Variants in NLGN1 observed in about 807,000 individuals in gnomAD.
NLGN1 encodes neuroligin 1.
In NLGN1, 12 loss-of-function variants were observed where a neutral mutation model predicts 65.5. The ratio of observed to expected loss-of-function variants is 0.18; its 90% CI spans 0.12 to 0.30. NLGN1 has a LOEUF of 0.30. Among genes scored for constraint, NLGN1 ranks in the 10% least tolerant of loss-of-function variants. The pLI is 1.00. For missense variants in NLGN1, 750 were observed against 1,007.1 expected, an observed-to-expected ratio of 0.74 and a Z score of 3.46; for synonymous variants, 350 against 359.5, an observed-to-expected ratio of 0.97 and a Z score of 0.30.
chr3:173,858,793 A>G (rs1578830474), intron 4 of NLGN1, among the ~76,000 whole-genome samples: 1 of 152,098 alleles, frequency 6.6e-6, no homozygotes, highest in Admixed American at 6.6e-5. Flanking sequence ...GATAGTTTAT[A>G]TAAGTAGCAC....
At chr3:173,700,622 T>C (rs1766987728) in intron 3 of NLGN1, among the ~76,000 whole-genome samples, 1 of 152,232 alleles carries the variant, frequency 6.6e-6, no homozygotes, top group Non-Finnish European at 1.5e-5. Context: ...ATGCATCATC[T>C]TTAGGCAGAA....
At chr3:174,077,255 G>A (rs553268617) in intron 4 of NLGN1, among the ~76,000 whole-genome samples, 3 of 151,736 alleles carry the variant, frequency 2.0e-5, no homozygotes, top group South Asian at 2.1e-4. Flanking sequence ...AGGAAATGAA[G>A]CATTATAGTA....
intron 4 of NLGN1, among the ~76,000 whole-genome samples, chr3:173,848,531 A>G (rs969122086): frequency 3.9e-5 from 6 of 152,140 alleles, no homozygotes; most frequent in Non-Finnish European, 8.8e-5. Flanking sequence ...TTTCTACTGC[A>G]TATGTCATCT....
chr3:173,602,436 C>G (rs1443553092), intron 2 of NLGN1, among the ~76,000 whole-genome samples: 1 of 151,890 alleles, frequency 6.6e-6, no homozygotes, highest in African/African-American at 2.4e-5. Flanking sequence ...TTTGTAACCT[C>G]AGGAGCTAAA....
intron 4 of NLGN1, among the ~76,000 whole-genome samples, chr3:174,015,032 A>G (rs1389742191): frequency 5.9e-5 from 9 of 152,136 alleles, no homozygotes; most frequent in Non-Finnish European, 8.8e-5. Context: ...AATCTAGGTG[A>G]TTTTCATGTG....
At chr3:174,077,200 C>T (rs1741198073) in intron 4 of NLGN1, among the ~76,000 whole-genome samples, 2 of 151,416 alleles carry the variant, frequency 1.3e-5, no homozygotes, top group East Asian at 1.9e-4. Context: ...AAAAAAAAAA[C>T]CTATTCCCAC....
chr3:174,122,584 A>C (rs1718004039), intron 4 of NLGN1, among the ~76,000 whole-genome samples: 1 of 152,138 alleles, frequency 6.6e-6, no homozygotes, highest in Non-Finnish European at 1.5e-5. Context: ...TAACCTCTTC[A>C]GGGAGAAGGA....
intron 4 of NLGN1, among the ~76,000 whole-genome samples, chr3:174,081,551 C>T (rs969328189): frequency 2.6e-5 from 4 of 151,658 alleles, no homozygotes; most frequent in Non-Finnish European, 4.4e-5. Context: ...CTAATGCCCC[C>T]CTTACATGTC....
intron 2 of NLGN1, among the ~76,000 whole-genome samples, chr3:173,593,359 T>C (rs1262808570): frequency 6.6e-6 from 1 of 152,192 alleles, no homozygotes; most frequent in Non-Finnish European, 1.5e-5. Context: ...CTTTTTTGTC[T>C]TCATGAATAT....
At chr3:174,203,303 C>T (rs146935724) in intron 4 of NLGN1, among the ~76,000 whole-genome samples, 38 of 152,224 alleles carry the variant, frequency 2.5e-4, no homozygotes, top group African/African-American at 8.7e-4. Flanking sequence ...GTTTAAAATC[C>T]TTATTTGAAG....
At chr3:173,681,600 T>A (rs1763958647) in intron 3 of NLGN1, among the ~76,000 whole-genome samples, 1 of 152,102 alleles carries the variant, frequency 6.6e-6, no homozygotes, top group African/African-American at 2.4e-5. Flanking sequence ...CCTGGTACTG[T>A]TTTTATGGGG....
At chr3:173,539,779 T>TATATATGTACATATATAACAC (rs1421838999) in intron 2 of NLGN1, among the ~76,000 whole-genome samples, 3 of 109,750 alleles carry the variant, frequency 2.7e-5, no homozygotes, top group African/African-American at 1.0e-4. Flanking sequence ...ATATAACACA[T>TATATATGTACATATATAACAC]ATATATGTAC....
At chr3:174,072,424 G>A (rs1657362921) in intron 4 of NLGN1, among the ~76,000 whole-genome samples, 1 of 152,168 alleles carries the variant, frequency 6.6e-6, no homozygotes, top group South Asian at 2.1e-4. Flanking sequence ...AACAGTGTGT[G>A]CTGTAATGGT....
the NLGN1 span, among the ~76,000 whole-genome samples, chr3:174,293,353 T>C: frequency 6.6e-6 from 1 of 151,362 alleles, no homozygotes; most frequent in African/African-American, 2.4e-5. Context: ...TATTTTACAA[T>C]AAAATAAATA....
In NLGN1 at chr3:174,279,053, G is replaced by T. The variant is rs778171189; in HGVS notation, c.1052G>T (p.Arg351Leu). The T allele has an allele frequency of 6.2e-7, 1 of 1,611,630 alleles. No homozygotes were observed. ...GTTGACCAAGATATTCAACCAGCTC[G>T]ATACCACATAGCCTTTGGACCTGTG... The change falls in exon 6 of 7, where the codon CGA (arginine) becomes CTA (leucine). Residue 351 changes from arginine to leucine, a missense_variant. By Grantham distance (102) the Arg-to-Leu change is moderately radical. Transcript: ENST00000457714. The surrounding 1 kb of genome is among the most constrained non-coding windows in gnomAD (Gnocchi z 4.7).
At chr3:174,094,994 T>C (rs1212026655) in intron 4 of NLGN1, among the ~76,000 whole-genome samples, 1 of 152,070 alleles carries the variant, frequency 6.6e-6, no homozygotes, top group Non-Finnish European at 1.5e-5. Context: ...GAATGCACTG[T>C]ATACTGCCAT....
chr3:174,211,186 C>A (rs1036118028), intron 4 of NLGN1, among the ~76,000 whole-genome samples: 1 of 152,146 alleles, frequency 6.6e-6, no homozygotes, highest in Non-Finnish European at 1.5e-5. Context: ...CTGCAAAGAG[C>A]GAAAGAACAA....
intron 4 of NLGN1, among the ~76,000 whole-genome samples, chr3:174,079,026 A>T (rs769713636): frequency 1.3e-5 from 2 of 152,038 alleles, no homozygotes; most frequent in African/African-American, 2.4e-5. Context: ...GTAAATGTGG[A>T]TATATTTTTC....
intron 4 of NLGN1, among the ~76,000 whole-genome samples, chr3:174,082,531 A>G (rs1444885130): frequency 6.6e-6 from 1 of 151,888 alleles, no homozygotes; most frequent in Admixed American, 6.6e-5. Flanking sequence ...AGACTACATA[A>G]TAGAGTTTAA....
Sources: gnomAD v4.1 joint callset for allele counts (sites outside exome capture counted in the v4.1 genomes callset) on GRCh38, gnomAD v4.1.1 for gene constraint, Gnocchi (gnomAD v3.1) non-coding constraint, MANE v1.5 for transcripts, NCBI Gene and HGNC (gene_info 2026-07-23, HGNC 2026-07-21) for gene names.